CUX2: variants seen among roughly 807,000 people sequenced by gnomAD.
CUX2 encodes the protein homeobox protein cut-like 2.
Under a neutral mutation model 144.8 loss-of-function variants are expected in CUX2, and 40 were observed. That is an observed-to-expected ratio of 0.28 (90% CI 0.21 to 0.36). The LOEUF is 0.36. Among genes scored for constraint, CUX2 ranks in the 10% least tolerant of loss-of-function variants. CUX2 has a pLI of 1.00. For synonymous variants in CUX2, 827 were observed against 875.6 expected, an observed-to-expected ratio of 0.94 and a Z score of 0.98; for missense variants, 1,615 against 1,994.0, an observed-to-expected ratio of 0.81 and a Z score of 3.62.
chr12:111,147,402 A>G (rs569993958), intron 1 of CUX2, among the ~76,000 whole-genome samples: 2 of 152,292 alleles, frequency 1.3e-5, no homozygotes, highest in Middle Eastern at 3.4e-3. Context: ...CCCCATGGTC[A>G]ACTCTCACCA....
intron 3 of CUX2, among the ~76,000 whole-genome samples, chr12:111,227,659 GT>G (rs1487106414): frequency 6.6e-6 from 1 of 152,090 alleles, no homozygotes; most frequent in Non-Finnish European, 1.5e-5. Flanking sequence ...ATATTTTCTT[GT>G]TGGAAAACCA....
chr12:111,069,972 A>G (rs994481537), intron 1 of CUX2, among the ~76,000 whole-genome samples: 8 of 152,090 alleles, frequency 5.3e-5, no homozygotes, highest in African/African-American at 9.7e-5. Context: ...GGCTTTAGAC[A>G]GCCCCAGGGC....
chr12:111,154,404 G>A (rs949693994), intron 1 of CUX2, among the ~76,000 whole-genome samples: 1 of 152,068 alleles, frequency 6.6e-6, no homozygotes, highest in African/African-American at 2.4e-5. Context: ...AGGCCACAGG[G>A]CTCCTCCCTC....
rs1888913070 is a variant in CUX2 at position 111,348,284 on chromosome 12, C to T, written c.4420C>T (p.Arg1474Trp). 1.9e-6 allele frequency: 3 copies of T among 1,613,152 alleles called. No individual in the cohort carries two copies. Among genetic ancestry groups the T allele is most frequent in the Non-Finnish European group, 2.5e-6 (3 of 1,179,796 alleles). ...GAACAACATCATTTACCGAGTAGAG[C>T]GGGCTGCCAATCGGGAGGAGGCCCT... ...NLNNIIYRVE[R>W]AANREEALEW... is the part of the protein sequence containing the mutation. Residue 1474 changes from arginine to tryptophan, a missense_variant, in exon 22 of 22, where the codon CGG becomes TGG. Arg to Trp is a moderately radical substitution (Grantham distance 101). Coordinates refer to ENST00000261726, the MANE Select transcript of CUX2 (RefSeq NM_015267.4).
At chr12:111,282,752 A>G (rs919352843) in intron 4 of CUX2, among the ~76,000 whole-genome samples, 2 of 151,690 alleles carry the variant, frequency 1.3e-5, no homozygotes, top group African/African-American at 4.9e-5. Context: ...TTCCAGTAGA[A>G]CCTCCCTTCC....
chr12:111,205,088 G>A (rs1880835913), intron 1 of CUX2, among the ~76,000 whole-genome samples: 2 of 152,110 alleles, frequency 1.3e-5, no homozygotes, highest in South Asian at 2.1e-4. Context: ...GGTAACCCGG[G>A]CTGTCTCCCA....
chr12:111,320,417 T>A lies in CUX2; in HGVS notation c.2408T>A (p.Val803Glu), dbSNP rs1255988025. 5.6e-6 allele frequency: 9 copies of A among 1,597,582 alleles called. No homozygotes were observed. Among genetic ancestry groups the A allele is most frequent in the South Asian group, 5.5e-5 (5 of 91,050 alleles). The change falls in exon 17 of 22, where the codon GTG (valine) becomes GAG (glutamate). Residue 803 changes from valine to glutamate, a missense_variant. Transcript: ENST00000261726. This position sits in a 1 kb window ranked among gnomAD's most constrained non-coding sequence, Gnocchi z 8.1. ...CTGCTCAGCCGCCCCTACGCCTCCG[T>A]GTCGCCCTCGCTGTCCTCCTCCTCC... The part of the protein sequence containing the change: ...RGLLSRPYAS[V>E]SPSLSSSSSS...
intron 4 of CUX2, among the ~76,000 whole-genome samples, chr12:111,266,778 G>A (rs1418574457): frequency 6.6e-6 from 1 of 152,236 alleles, no homozygotes; most frequent in Admixed American, 6.5e-5. Context: ...ATCCAGCAAT[G>A]CTGACAAAGC....
At chr12:111,104,292 G>A (rs1417398298) in intron 1 of CUX2, among the ~76,000 whole-genome samples, 2 of 152,174 alleles carry the variant, frequency 1.3e-5, no homozygotes, top group Non-Finnish European at 2.9e-5. Context: ...TAAAAAACAG[G>A]ATCCGTGTTG....
At chr12:111,164,227 C>G (rs987964251) in intron 1 of CUX2, among the ~76,000 whole-genome samples, 4 of 152,102 alleles carry the variant, frequency 2.6e-5, no homozygotes, top group Non-Finnish European at 2.9e-5. Flanking sequence ...TTCCCATATT[C>G]CCAGCACCCT....
At chr12:111,258,848 A>C (rs563890017) in intron 3 of CUX2, among the ~76,000 whole-genome samples, 13 of 152,130 alleles carry the variant, frequency 8.5e-5, no homozygotes, top group African/African-American at 3.1e-4. Flanking sequence ...ACCACACCTG[A>C]CTAATTTTTT....
At chr12:111,195,613 T>G (rs1287416356) in intron 1 of CUX2, among the ~76,000 whole-genome samples, 1 of 152,228 alleles carries the variant, frequency 6.6e-6, no homozygotes, top group Non-Finnish European at 1.5e-5. Flanking sequence ...GCTCTGTCCT[T>G]GAGCTGGGGA....
Position 111,276,632 on chromosome 12 carries a change from T to A in CUX2, c.301+12793T>A, listed in dbSNP as rs374525131. Among the ~76,000 whole-genome samples, 103 of 148,396 alleles carry A rather than the reference T, an allele frequency of 6.9e-4. 2 individuals are homozygous for A. In the South Asian group the frequency reaches 0.021, roughly 30 times the overall value. ...AGCTCACGTAGTTGTTTCCTTTTTG[T>A]TTGTTTGTTTGTTTGTTTTGTTTTG... On this transcript the variant is annotated intron_variant, in intron 4 of 21. Transcript: ENST00000261726.
chr12:111,111,131 A>G (rs924248130), intron 1 of CUX2, among the ~76,000 whole-genome samples: 1 of 152,118 alleles, frequency 6.6e-6, no homozygotes, highest in Non-Finnish European at 1.5e-5. Context: ...GTGAAACCCC[A>G]TCTCTACTAA....
chr12:111,306,740 A>C (rs924707920), intron 10 of CUX2, among the ~76,000 whole-genome samples, 181 bp from the exon 11 acceptor site: 1 of 152,164 alleles, frequency 6.6e-6, no homozygotes, highest in Non-Finnish European at 1.5e-5. Context: ...AACTTAATAC[A>C]TAAGGAAAAG....
intron 3 of CUX2, among the ~76,000 whole-genome samples, chr12:111,243,128 T>G (rs1381667176): frequency 2.6e-5 from 4 of 152,178 alleles, no homozygotes; most frequent in Non-Finnish European, 5.9e-5. Context: ...GTAGGTTTTC[T>G]TTTACTCTTT....
At chr12:111,318,132 G>C (rs752475098) in intron 16 of CUX2, among the ~76,000 whole-genome samples, 1 of 151,920 alleles carries the variant, frequency 6.6e-6, no homozygotes, top group Admixed American at 6.6e-5. Flanking sequence ...GGAGTGCAGT[G>C]GTGCAAACAT....
chr12:111,321,122 A>G (rs1887507119), intron 17 of CUX2, among the ~76,000 whole-genome samples: 1 of 152,068 alleles, frequency 6.6e-6, no homozygotes, highest in Non-Finnish European at 1.5e-5. Context: ...TCTTGAGCCC[A>G]GAAGTTTGAG....
intron 1 of CUX2, among the ~76,000 whole-genome samples, chr12:111,063,537 G>A (rs1189116181): frequency 6.6e-6 from 1 of 152,254 alleles, no homozygotes; most frequent in East Asian, 1.9e-4. Flanking sequence ...CCCCGGCAAA[G>A]GTTGGCCTCA....
Sources: gnomAD v4.1 joint callset for allele counts (sites outside exome capture counted in the v4.1 genomes callset) on GRCh38, gnomAD v4.1.1 for gene constraint, Gnocchi (gnomAD v3.1) non-coding constraint, MANE v1.5 for transcripts, NCBI Gene and HGNC (gene_info 2026-07-23, HGNC 2026-07-21) for gene names.